PCSK5: variants seen among roughly 807,000 people sequenced by gnomAD.
PCSK5 encodes the protein proprotein convertase subtilisin/kexin type 5.
In PCSK5, 129 loss-of-function variants were observed where a neutral mutation model predicts 233.2. That is an observed-to-expected ratio of 0.55 (90% CI 0.48 to 0.64). The LOEUF is 0.64. PCSK5 is among the 30% of genes least tolerant of loss of function. PCSK5 has a pLI of 0.00. For synonymous variants in PCSK5, 825 were observed against 879.2 expected (o/e 0.94, Z 1.09); for missense variants, 2,076 against 2,430.1 (o/e 0.85, Z 3.06).
rs1283868670 is a variant in PCSK5, at chr9:76,332,615, G to A, written c.4748+5G>A. 1.3e-6 allele frequency: 2 copies of A among 1,561,720 alleles called. No individual in the cohort carries two copies. Among genetic ancestry groups the A allele is most frequent in the Non-Finnish European group, 1.7e-6 (2 of 1,151,358 alleles). ...CCTGCTCCAGTGCAGGGAAGGGTAA[G>A]TGCTCAATACATTTTCCCCCATGTA... On this transcript the variant is annotated splice_donor_5th_base_variant and intron_variant, in intron 34 of 37. Coordinates refer to ENST00000674117, the MANE Select transcript of PCSK5 (RefSeq NM_001372043.1).
intron 5 of PCSK5, among the ~76,000 whole-genome samples, chr9:76,042,902 G>A (rs1405136477): frequency 6.6e-6 from 1 of 152,118 alleles, no homozygotes; most frequent in African/African-American, 2.4e-5. Context: ...TCCTCAAAGG[G>A]GACAGTGATG....
At chr9:76,156,477 T>C (rs539570673) in intron 10 of PCSK5, among the ~76,000 whole-genome samples, 3 of 152,352 alleles carry the variant, frequency 2.0e-5, no homozygotes, top group South Asian at 4.1e-4. Flanking sequence ...AATTACTAGA[T>C]ATGTCAGAAC....
At chr9:76,257,674 A>C (rs1290073727) in intron 24 of PCSK5, among the ~76,000 whole-genome samples, 1 of 152,122 alleles carries the variant, frequency 6.6e-6, no homozygotes, top group African/African-American at 2.4e-5. Context: ...GGCAAGCTGG[A>C]GAAGGACCAG....
intron 2 of PCSK5, among the ~76,000 whole-genome samples, chr9:75,942,116 G>A (rs564065361): frequency 2.6e-5 from 4 of 152,182 alleles, no homozygotes; most frequent in East Asian, 1.9e-4. Context: ...CCGGGCATGC[G>A]CCAAAGCGTA....
At chr9:76,085,525 A>G (rs1260953963) in intron 7 of PCSK5, among the ~76,000 whole-genome samples, 1 of 152,206 alleles carries the variant, frequency 6.6e-6, no homozygotes, top group Non-Finnish European at 1.5e-5. Context: ...GAAGGGCCAC[A>G]TTGGATGCAT....
rs1587715951 is a variant in PCSK5 at position 76,173,495 on chromosome 9, C to CTTTTTTTTTTTTTTT, written c.1757-1491_1757-1490insTTTTTTTTTTTTTTT. The stretch of plus-strand genomic sequence containing the variant: ...ACTTTAATGAAATGGAGGCACGTTT[C>CTTTTTTTTTTTTTTT]CTTTTTTTTTTTTTTTTTTTTTTTT... On this transcript the variant is annotated intron_variant, in intron 13 of 37. Transcript: ENST00000674117. Among the ~76,000 whole-genome samples the CTTTTTTTTTTTTTTT allele has an allele frequency of 9.8e-4, 34 of 34,602 alleles. 2 individuals carry two copies. The highest frequency in any genetic ancestry group is 5.3e-3 in the East Asian group (6 of 1,132). 22.7% of individuals were successfully genotyped at this position (34,602 alleles called of 152,430 possible). A position where few individuals can be genotyped will look rare whatever the true frequency, so the allele number is the denominator to read the frequency against.
intron 3 of PCSK5, among the ~76,000 whole-genome samples, chr9:76,009,844 A>G (rs1425116458): frequency 2.6e-5 from 4 of 152,122 alleles, no homozygotes; most frequent in African/African-American, 9.7e-5. Flanking sequence ...CCTGCTTTAT[A>G]TCCCTAGGTT....
At chr9:76,153,627 A>G (rs996781903) in intron 10 of PCSK5, among the ~76,000 whole-genome samples, 1 of 152,240 alleles carries the variant, frequency 6.6e-6, no homozygotes, top group Non-Finnish European at 1.5e-5. Context: ...TATATTTGCT[A>G]TAATTGTACA....
intron 5 of PCSK5, among the ~76,000 whole-genome samples, chr9:76,064,791 G>A (rs1343750487): frequency 1.3e-5 from 2 of 148,698 alleles, no homozygotes; most frequent in East Asian, 2.0e-4. Flanking sequence ...GGGCAGAGGC[G>A]CTCCCCACAT....
intron 2 of PCSK5, among the ~76,000 whole-genome samples, chr9:75,968,814 G>A (rs146770422): frequency 7.2e-5 from 11 of 152,272 alleles, no homozygotes; most frequent in South Asian, 4.1e-4. Context: ...CATAGTCAAC[G>A]GTAGGGACCA....
intron 34 of PCSK5, among the ~76,000 whole-genome samples, chr9:76,337,501 T>C (rs1829711288): frequency 6.7e-6 from 1 of 150,030 alleles, no homozygotes; most frequent in African/African-American, 2.5e-5. Context: ...TGAGACGGAG[T>C]CTCACATTAT....
chr9:76,087,742 A>T (rs1282001060), intron 7 of PCSK5, among the ~76,000 whole-genome samples: 1 of 152,230 alleles, frequency 6.6e-6, no homozygotes, highest in Non-Finnish European at 1.5e-5. Context: ...TTAAAAAGTC[A>T]AAAGAACATT....
intron 8 of PCSK5, among the ~76,000 whole-genome samples, chr9:76,099,610 T>C (rs927806566): frequency 6.6e-6 from 1 of 152,144 alleles, no homozygotes; most frequent in Admixed American, 6.5e-5. Context: ...ATGAGTGGAG[T>C]TGGCAGTAAC....
chr9:76,293,401 A>G (rs998791059), intron 25 of PCSK5, among the ~76,000 whole-genome samples: 4 of 152,106 alleles, frequency 2.6e-5, no homozygotes, highest in Non-Finnish European at 4.4e-5. Flanking sequence ...CTCTACATTG[A>G]CTATGTCTCA....
At chr9:76,064,328 C>A (rs1280792329) in intron 5 of PCSK5, among the ~76,000 whole-genome samples, 1 of 105,140 alleles carries the variant, frequency 9.5e-6, no homozygotes, top group Non-Finnish European at 1.9e-5. Context: ...CGCCCCTCAC[C>A]TCCCGGACGG....
At chr9:76,318,209 C>G (rs751705772) in intron 30 of PCSK5, among the ~76,000 whole-genome samples, 1 of 152,048 alleles carries the variant, frequency 6.6e-6, no homozygotes, top group Non-Finnish European at 1.5e-5. Context: ...AGCAAACTAA[C>G]ACAGGAACAG....
At chr9:76,064,447 C>T (rs1358437362) in intron 5 of PCSK5, among the ~76,000 whole-genome samples, 45 of 135,004 alleles carry the variant, frequency 3.3e-4, no homozygotes, top group African/African-American at 1.2e-3. Context: ...CACGGCTGGC[C>T]GGGCGGGGGG....
intron 31 of PCSK5, 79 bp downstream of exon 31, chr9:76,321,718 A>G (rs1488304022): frequency 5.7e-6 from 5 of 872,338 alleles, no homozygotes; most frequent in Non-Finnish European, 9.0e-6. Context: ...GGTGGATGGC[A>G]AAGAGCTGTG....
chr9:76,145,416 A>G (rs1167392389), intron 10 of PCSK5, among the ~76,000 whole-genome samples: 2 of 152,166 alleles, frequency 1.3e-5, no homozygotes, highest in Non-Finnish European at 2.9e-5. Context: ...AGCGGTGAAA[A>G]GGCTTCATTT....
Sources: gnomAD v4.1 joint callset for allele counts (sites outside exome capture counted in the v4.1 genomes callset) on GRCh38, gnomAD v4.1.1 for gene constraint, MANE v1.5 for transcripts, NCBI Gene and HGNC (gene_info 2026-07-23, HGNC 2026-07-21) for gene names.